Variants in DPP10 observed in about 807,000 individuals in gnomAD.
DPP10 encodes the protein dipeptidyl peptidase like 10.
DPP10 carries 33 observed loss-of-function variants against 120.9 expected under a neutral mutation model. The ratio of observed to expected loss-of-function variants is 0.27; its 90% CI spans 0.21 to 0.37. The LOEUF (loss-of-function observed/expected upper bound fraction) is 0.37. Ranked by LOEUF, DPP10 falls within the 10% of genes least tolerant of loss-of-function variation. The pLI, the probability that DPP10 is intolerant of heterozygous loss-of-function variation, is 1.00. For missense variants in DPP10, 816 were observed against 942.8 expected (o/e 0.87, Z 1.76); for synonymous variants, 337 against 326.1 (o/e 1.03, Z -0.36).
intron 1 of DPP10, among the ~76,000 whole-genome samples, chr2:115,264,970 T>A (rs2105775499): frequency 1.3e-5 from 2 of 152,260 alleles, no homozygotes; most frequent in Middle Eastern, 6.8e-3. Context: ...TGTTTCAGCT[T>A]ATAGGTTAGA....
intron 5 of DPP10, among the ~76,000 whole-genome samples, chr2:115,679,001 G>A (rs1221586267): frequency 6.6e-6 from 1 of 152,140 alleles, no homozygotes; most frequent in African/African-American, 2.4e-5. Flanking sequence ...TTTACCCAGT[G>A]CCTATACCCC....
chr2:114,523,110 G>C (rs960230534), intron 1 of DPP10, among the ~76,000 whole-genome samples: 3 of 152,210 alleles, frequency 2.0e-5, no homozygotes, highest in African/African-American at 7.2e-5. Flanking sequence ...CTTAGAGGAA[G>C]GATGTGGATA....
intron 3 of DPP10, among the ~76,000 whole-genome samples, chr2:115,356,728 A>G (rs886131988): frequency 4.6e-5 from 7 of 152,144 alleles, no homozygotes; most frequent in African/African-American, 1.7e-4. Context: ...GATATGTTGC[A>G]TCAATAGCTG....
chr2:115,768,971 AAG>A (rs1475044942), intron 13 of DPP10, among the ~76,000 whole-genome samples: 2 of 151,918 alleles, frequency 1.3e-5, no homozygotes, highest in Non-Finnish European at 2.9e-5. Flanking sequence ...TTCCGATAAA[AAG>A]AGGGGAAAGG....
At chr2:114,862,598 A>G (rs1394674077) in intron 1 of DPP10, among the ~76,000 whole-genome samples, 3 of 152,324 alleles carry the variant, frequency 2.0e-5, no homozygotes, top group Non-Finnish European at 4.4e-5. Context: ...AGCAGACAGA[A>G]AAGTTAAACC....
At chr2:115,109,848 C>A (rs763728651) in intron 1 of DPP10, among the ~76,000 whole-genome samples, 1 of 152,068 alleles carries the variant, frequency 6.6e-6, no homozygotes, top group Non-Finnish European at 1.5e-5. Context: ...CAGAGCCCCC[C>A]GCAAGAAAGA....
intron 1 of DPP10, among the ~76,000 whole-genome samples, chr2:114,695,055 G>A (rs1447249467): frequency 2.0e-5 from 3 of 152,014 alleles, no homozygotes; most frequent in Non-Finnish European, 4.4e-5. Context: ...TTTAGCAGGA[G>A]TTAAATGAAA....
At chr2:115,717,816 C>T (rs151186725) in intron 7 of DPP10, among the ~76,000 whole-genome samples, 16 of 152,132 alleles carry the variant, frequency 1.1e-4, no homozygotes, top group South Asian at 4.1e-4. Context: ...GTTGCTCTTG[C>T]GAATAATTTT....
intron 1 of DPP10, among the ~76,000 whole-genome samples, chr2:114,606,317 T>C (rs1019137185): frequency 2.6e-5 from 4 of 152,124 alleles, no homozygotes; most frequent in Non-Finnish European, 5.9e-5. Context: ...TTGGCAACAT[T>C]GCAAAGTTAG....
In DPP10 at chr2:115,068,259, C is replaced by G. The variant is rs568141103; in HGVS notation, c.61-240980C>G. Among the ~76,000 whole-genome samples the G allele has an allele frequency of 9.8e-4, 148 of 151,722 alleles. 1 individual carries two copies. In the Middle Eastern group the frequency reaches 0.02, roughly 21 times the overall value. On this transcript the variant is annotated intron_variant, in intron 1 of 25. Coordinates refer to ENST00000410059, the MANE Select transcript of DPP10 (RefSeq NM_020868.6). ...TTTTGTCTTTTTGATAATAGCCATTCTAGCCATTCTAACAGGTGTGAGGTT... is the reference window on the plus strand; with the variant it reads ...TTTTGTCTTTTTGATAATAGCCATTGTAGCCATTCTAACAGGTGTGAGGTT...
intron 1 of DPP10, among the ~76,000 whole-genome samples, chr2:114,639,315 G>A (rs1290091502): frequency 4.0e-5 from 6 of 151,846 alleles, no homozygotes; most frequent in Non-Finnish European, 8.8e-5. Context: ...AAACAGCATG[G>A]GAAAGATCTG....
intron 1 of DPP10, among the ~76,000 whole-genome samples, chr2:114,896,878 T>G (rs1322144987): frequency 1.3e-5 from 2 of 152,212 alleles, no homozygotes; most frequent in African/African-American, 4.8e-5. Flanking sequence ...GGGTTTGTCA[T>G]AGATAGCTCT....
At chr2:115,023,604 G>C (rs1465737120) in intron 1 of DPP10, among the ~76,000 whole-genome samples, 1 of 152,066 alleles carries the variant, frequency 6.6e-6, no homozygotes, top group Non-Finnish European at 1.5e-5. Flanking sequence ...TAAAGAACTA[G>C]AAGTAGATCT....
chr2:114,564,526 C>G (rs956167046), intron 1 of DPP10, among the ~76,000 whole-genome samples: 1 of 152,034 alleles, frequency 6.6e-6, no homozygotes, highest in African/African-American at 2.4e-5. Flanking sequence ...ATATAAGGTA[C>G]CCGGCAGATC....
intron 3 of DPP10, among the ~76,000 whole-genome samples, chr2:115,370,733 A>G (rs2065352826): frequency 6.6e-6 from 1 of 152,106 alleles, no homozygotes; most frequent in South Asian, 2.1e-4. Flanking sequence ...ATCCAATTTT[A>G]GCATGTATCA....
At chr2:114,541,468 T>C (rs1573607538) in intron 1 of DPP10, among the ~76,000 whole-genome samples, 1 of 152,290 alleles carries the variant, frequency 6.6e-6, no homozygotes, top group East Asian at 1.9e-4. Flanking sequence ...CCCTTTTTCC[T>C]GAAATCCACT....
intron 5 of DPP10, among the ~76,000 whole-genome samples, chr2:115,562,035 G>GT: frequency 6.6e-6 from 1 of 152,258 alleles, no homozygotes; most frequent in African/African-American, 2.4e-5. Flanking sequence ...TGATGACAAT[G>GT]TTTTATTCCA....
intron 4 of DPP10, among the ~76,000 whole-genome samples, chr2:115,522,559 TCTTG>T (rs140351199): frequency 5.7e-4 from 87 of 152,354 alleles, no homozygotes; most frequent in East Asian, 4.8e-3. Context: ...ACCTTGTCTT[TCTTG>T]CTTAATTCAT....
chr2:114,916,505 C>T (rs1694813442), intron 1 of DPP10, among the ~76,000 whole-genome samples: 1 of 151,134 alleles, frequency 6.6e-6, no homozygotes, highest in Non-Finnish European at 1.5e-5. Context: ...CAAAACCTGA[C>T]ACAGACACAA....
Sources: allele counts gnomAD v4.1 joint callset (sites outside exome capture counted in the v4.1 genomes callset), GRCh38; gene constraint gnomAD v4.1.1; transcripts MANE v1.5; gene names NCBI Gene and HGNC (gene_info 2026-07-23, HGNC 2026-07-21).